ZFPM2: variants seen among roughly 807,000 people sequenced by gnomAD.
ZFPM2 encodes zinc finger protein, FOG family member 2, also known as zinc finger protein ZFPM2.
Under a neutral mutation model 98.6 loss-of-function variants are expected in ZFPM2, and 20 were observed. That is an observed-to-expected ratio of 0.20 (90% CI 0.14 to 0.29). The LOEUF is 0.29. ZFPM2 is among the 10% of genes least tolerant of loss of function. The probability of loss-of-function intolerance (pLI) is 1.00; values close to 1 mark genes in which losing one functional copy is unlikely to be tolerated. For synonymous variants in ZFPM2, 518 were observed against 502.7 expected (o/e 1.03, Z -0.41); for missense variants, 1,310 against 1,388.6 (o/e 0.94, Z 0.90).
chr8:105,497,622 G>GA (rs918586151), intron 3 of ZFPM2, among the ~76,000 whole-genome samples: 7 of 152,002 alleles, frequency 4.6e-5, no homozygotes, highest in African/African-American at 1.7e-4. Context: ...TGTTCACACT[G>GA]AAAAAAACAT....
At chr8:105,403,523 A>G (rs182982987) in intron 1 of ZFPM2, among the ~76,000 whole-genome samples, 1 of 152,236 alleles carries the variant, frequency 6.6e-6, no homozygotes, top group Admixed American at 6.5e-5. Flanking sequence ...AACATGAAGT[A>G]GATTTTTTAA....
chr8:105,493,295 G>A (rs1256900894), intron 3 of ZFPM2, among the ~76,000 whole-genome samples: 1 of 152,172 alleles, frequency 6.6e-6, no homozygotes, highest in Non-Finnish European at 1.5e-5. Flanking sequence ...AAAGAAAAAT[G>A]ATTCTTGGAG....
chr8:105,385,223 C>A (rs145577215), intron 1 of ZFPM2, among the ~76,000 whole-genome samples: 85 of 152,300 alleles, frequency 5.6e-4, no homozygotes, highest in African/African-American at 2.0e-3. Flanking sequence ...TATGCAAAGT[C>A]ATCTTTGACA....
At chr8:105,774,041 C>T (rs1222263418) in intron 5 of ZFPM2, among the ~76,000 whole-genome samples, 7 of 152,148 alleles carry the variant, frequency 4.6e-5, no homozygotes, top group East Asian at 1.9e-4. Flanking sequence ...TTAAAATCCA[C>T]GGCAAATCTT....
intron 1 of ZFPM2, among the ~76,000 whole-genome samples, chr8:105,345,425 C>CTTTTTTTTTTTTTTTTTTTTTTT (rs10560485): frequency 1.0e-5 from 1 of 98,360 alleles, no homozygotes; most frequent in Non-Finnish European, 2.0e-5. Flanking sequence ...TCGTGATGTT[C>CTTTTTTTTTTTTTTTTTTTTTTT]TTTTTTTTTT....
intron 2 of ZFPM2, among the ~76,000 whole-genome samples, chr8:105,424,981 G>A (rs143669091): frequency 6.6e-6 from 1 of 152,228 alleles, no homozygotes; most frequent in African/African-American, 2.4e-5. Flanking sequence ...CATAAAGAGC[G>A]ATGGGGAAGG....
intron 5 of ZFPM2, among the ~76,000 whole-genome samples, chr8:105,699,055 G>A (rs1332217353): frequency 6.6e-6 from 1 of 152,056 alleles, no homozygotes; most frequent in Non-Finnish European, 1.5e-5. Flanking sequence ...AAGATCTGCA[G>A]TTTAATTTAC....
Position 105,523,644 on chromosome 8 carries a change from C to T in ZFPM2, c.302-37719C>T, listed in dbSNP as rs373552901. Among the ~76,000 whole-genome samples the T allele has an allele frequency of 8.5e-5, 13 of 152,194 alleles. No individual in the cohort carries two copies. In the East Asian group the frequency reaches 2.1e-3, roughly 25 times the overall value. ...TATTGCATCTGTCAATTACTGCACC[C>T]CCCTACCTCCGTGCCAGTGGTGGTT... On this transcript the variant is annotated intron_variant, in intron 3 of 7. Coordinates refer to ENST00000407775, the MANE Select transcript of ZFPM2 (RefSeq NM_012082.4).
At chr8:105,342,851 C>T (rs187270710) in intron 1 of ZFPM2, among the ~76,000 whole-genome samples, 1 of 152,080 alleles carries the variant, frequency 6.6e-6, no homozygotes, top group East Asian at 1.9e-4. Flanking sequence ...CATAATAGAT[C>T]TCTAGGTTTC....
Position 105,427,686 on chromosome 8 carries a change from G to A in ZFPM2, c.199+8384G>A, listed in dbSNP as rs531180979. On this transcript the variant is annotated intron_variant, in intron 2 of 7. Coordinates refer to ENST00000407775, the MANE Select transcript of ZFPM2 (RefSeq NM_012082.4). ...TGGGAAATGTAGAAAGCTGTGGTGC[G>A]ATGAATTTAAGTATAGTAATAAACT... Among the ~76,000 whole-genome samples, 5 of 152,248 alleles carry A rather than the reference G, an allele frequency of 3.3e-5. No homozygotes were observed. In the South Asian group the frequency reaches 8.3e-4, roughly 25 times the overall value.
intron 3 of ZFPM2, among the ~76,000 whole-genome samples, chr8:105,465,315 G>A (rs557888794): frequency 6.8e-4 from 104 of 152,006 alleles, no homozygotes; most frequent in African/African-American, 2.4e-3. Flanking sequence ...AAATGAGACA[G>A]CCATTTAAAT....
At chr8:105,651,701 A>C (rs967318280) in intron 5 of ZFPM2, among the ~76,000 whole-genome samples, 2 of 151,050 alleles carry the variant, frequency 1.3e-5, no homozygotes, top group Admixed American at 1.3e-4. Context: ...CAAAGGCAAC[A>C]ATTCAATTTT....
intron 5 of ZFPM2, among the ~76,000 whole-genome samples, chr8:105,717,395 A>G (rs1486700583): frequency 1.3e-5 from 2 of 152,024 alleles, no homozygotes; most frequent in Non-Finnish European, 2.9e-5. Context: ...TTATTTCTGC[A>G]AGACCTAGTA....
chr8:105,755,722 C>A (rs187594514), intron 5 of ZFPM2, among the ~76,000 whole-genome samples: 37 of 151,954 alleles, frequency 2.4e-4, no homozygotes, highest in Middle Eastern at 3.4e-3. Context: ...CTAATACTGC[C>A]TTTTTTAAAA....
Position 105,423,994 on chromosome 8 carries a change from AAG to A in ZFPM2, c.199+4694_199+4695del, listed in dbSNP as rs549827516. ...AGTAGAATGTAATGCTATATAAAAAAAGATAACTCAGGTGAGGGGGGTGAGGG... is the reference window on the plus strand; with the variant it reads ...AGTAGAATGTAATGCTATATAAAAAAATAACTCAGGTGAGGGGGGTGAGGG... On this transcript the variant is annotated intron_variant, in intron 2 of 7. Transcript: ENST00000407775. 1.7e-3 allele frequency among the ~76,000 whole-genome samples: 258 copies of A among 152,290 alleles called. 2 individuals carry two copies. Among genetic ancestry groups the A allele is most frequent in the Admixed American group, 3.1e-3 (47 of 15,298 alleles).
At chr8:105,473,545 G>C (rs1812950715) in intron 3 of ZFPM2, among the ~76,000 whole-genome samples, 1 of 152,054 alleles carries the variant, frequency 6.6e-6, no homozygotes, top group Non-Finnish European at 1.5e-5. Context: ...AATTCTGGTG[G>C]GTTAAGAGAG....
chr8:105,703,622 T>C (rs1466009269), intron 5 of ZFPM2, among the ~76,000 whole-genome samples: 2 of 152,168 alleles, frequency 1.3e-5, no homozygotes, highest in Non-Finnish European at 2.9e-5. Flanking sequence ...TAAACTGTGC[T>C]CAGGTGAGGC....
rs537328106 is a variant in ZFPM2, at chr8:105,684,613, C to T, written c.532+50256C>T. Among the ~76,000 whole-genome samples the T allele has an allele frequency of 1.1e-4, 17 of 151,912 alleles. No individual in the cohort carries two copies. The East Asian group carries it at 1.2e-3, about 10-fold the overall frequency. On this transcript the variant is annotated intron_variant, in intron 5 of 7. Coordinates refer to ENST00000407775, the MANE Select transcript of ZFPM2 (RefSeq NM_012082.4). The stretch of plus-strand genomic sequence containing the variant: ...ACCAAAGCTAATTCCAAACAAAACA[C>T]GGTTAGTTGAATTTTCAGTATTGTT...
chr8:105,798,994 AT>A, intron 7 of ZFPM2, 46 bp downstream of exon 7: 2 of 1,499,328 alleles, frequency 1.3e-6, no homozygotes, highest in Non-Finnish European at 1.8e-6. Flanking sequence ...AGACTCTGTT[AT>A]TTTTATAAAT....
Sources: gnomAD v4.1 joint callset for allele counts (sites outside exome capture counted in the v4.1 genomes callset) on GRCh38, gnomAD v4.1.1 for gene constraint, MANE v1.5 for transcripts, NCBI Gene and HGNC (gene_info 2026-07-23, HGNC 2026-07-21) for gene names.